The following ACSM3 variants were observed in gnomAD, a reference collection of about 807,000 sequenced individuals.
The protein encoded by ACSM3 is acyl-CoA synthetase medium chain family member 3, also known as acyl-coenzyme A synthetase ACSM3, mitochondrial.
ACSM3 carries 61 observed loss-of-function variants against 74.1 expected under a neutral mutation model. The ratio of observed to expected loss-of-function variants is 0.82; its 90% CI spans 0.67 to 1.02. The LOEUF (loss-of-function observed/expected upper bound fraction) is 1.02, where lower values mean the gene tolerates loss of function less well. Among genes scored for constraint, ACSM3 ranks in the 50% least tolerant of loss-of-function variants. ACSM3 has a pLI of 0.00. For missense variants in ACSM3, 660 were observed against 697.0 expected (o/e 0.95, Z 0.60); for synonymous variants, 213 against 241.5 (o/e 0.88, Z 1.09).
At chr16:20,754,288 G>A (rs903890009) in intron 2 of ACSM3, among the ~76,000 whole-genome samples, 16 of 152,096 alleles carry the variant, frequency 1.1e-4, no homozygotes, top group Middle Eastern at 3.2e-3. Flanking sequence ...GAGTGAGAAC[G>A]GCCCACATGA....
chr16:20,725,447 TG>T, intron 1 of ACSM3: 1 of 225,978 alleles, frequency 4.4e-6, no homozygotes. Flanking sequence ...AAGAGGTACT[TG>T]GGCAGAAATT....
chr16:20,699,657 G>A (rs1596480985), intron 1 of ACSM3, among the ~76,000 whole-genome samples: 1 of 152,240 alleles, frequency 6.6e-6, no homozygotes, highest in Middle Eastern at 3.4e-3. Flanking sequence ...TGGAGACGGG[G>A]GAAAAGCCCT....
intron 1 of ACSM3, among the ~76,000 whole-genome samples, chr16:20,768,352 G>C (rs931371534): frequency 2.6e-5 from 4 of 152,192 alleles, no homozygotes; most frequent in Admixed American, 6.5e-5. Flanking sequence ...CCATAGACTG[G>C]TGCTTTTCAC....
intron 1 of ACSM3, chr16:20,721,729 T>C (rs2079786268): frequency 6.6e-6 from 1 of 152,164 alleles, no homozygotes; most frequent in Admixed American, 6.5e-5. Context: ...AATCATGCCA[T>C]AGCTAGAATA....
chr16:20,763,780 T>G (rs1430117117), upstream of ACSM3: 1 of 152,196 alleles, frequency 6.6e-6, no homozygotes, highest in African/African-American at 2.4e-5. Context: ...TCTGCCCCTT[T>G]ACAGAACTAA....
In ACSM3 at chr16:20,796,424, C is replaced by A. The variant is rs1478990441; in HGVS notation, c.1609C>A (p.Gln537Lys). 6.2e-7 allele frequency: 1 copy of A among 1,613,780 alleles called. No individual in the cohort carries two copies. The highest frequency in any genetic ancestry group is 1.1e-5 in the South Asian group (1 of 91,054). The part of the protein sequence containing the change: ...NPDYKSHDQE[Q>K]LIKEIQEHVK... ...TGATTACAAGTCACATGATCAAGAACAACTAATAAAGGAGATTCAGGAGCA... is the reference window on the plus strand; with the variant it reads ...TGATTACAAGTCACATGATCAAGAAAAACTAATAAAGGAGATTCAGGAGCA... The change falls in exon 13 of 14, where the codon CAA (glutamine) becomes AAA (lysine). Residue 537 changes from glutamine to lysine, a missense_variant. Coordinates refer to ENST00000289416, the MANE Select transcript of ACSM3 (RefSeq NM_005622.4).
intron 1 of ACSM3, chr16:20,735,371 TG>T (rs2079859873): frequency 1.9e-5 from 2 of 104,738 alleles, no homozygotes; most frequent in African/African-American, 5.8e-5. Flanking sequence ...GTTTTTGTTT[TG>T]GGTGTTTTTT....
At chr16:20,684,322 G>A (rs1291019284) in intron 1 of ACSM3, among the ~76,000 whole-genome samples, 1 of 152,110 alleles carries the variant, frequency 6.6e-6, no homozygotes, top group Non-Finnish European at 1.5e-5. Flanking sequence ...AATCGCTTAA[G>A]GATCACACAA....
chr16:20,696,688 A>T (rs1334418791), intron 1 of ACSM3, among the ~76,000 whole-genome samples: 1 of 152,244 alleles, frequency 6.6e-6, no homozygotes, highest in African/African-American at 2.4e-5. Flanking sequence ...TCTGAAAGCA[A>T]TTTGACATGG....
At chr16:20,721,382 GA>G (rs891099961) in intron 1 of ACSM3, 5 of 152,192 alleles carry the variant, frequency 3.3e-5, no homozygotes, top group African/African-American at 9.7e-5. Context: ...AGAATGCTAT[GA>G]TTTTTTTTTG....
At chr16:20,686,956 C>T (rs918330378) in intron 1 of ACSM3, among the ~76,000 whole-genome samples, 2 of 149,066 alleles carry the variant, frequency 1.3e-5, no homozygotes, top group East Asian at 2.0e-4. Flanking sequence ...AAGCCATACT[C>T]AAAATGGTAG....
intron 1 of ACSM3, among the ~76,000 whole-genome samples, chr16:20,706,335 A>C (rs1375535183): frequency 6.6e-6 from 1 of 152,230 alleles, no homozygotes; most frequent in African/African-American, 2.4e-5. Context: ...AAAATGATAC[A>C]TTACACATGT....
At chr16:20,773,691 C>A (rs1228957651) in intron 2 of ACSM3, among the ~76,000 whole-genome samples, 1 of 152,054 alleles carries the variant, frequency 6.6e-6, no homozygotes, top group Non-Finnish European at 1.5e-5. Context: ...TTACTGATTT[C>A]TAGTTTTATT....
At chr16:20,757,980 G>A (rs1358162857) in intron 3 of ACSM3, among the ~76,000 whole-genome samples, 1 of 152,194 alleles carries the variant, frequency 6.6e-6, no homozygotes, top group African/African-American at 2.4e-5. Flanking sequence ...TCCCAGGGAT[G>A]AAGCCCACTT....
intron 3 of ACSM3, among the ~76,000 whole-genome samples, chr16:20,756,067 T>G (rs2080029240): frequency 6.6e-6 from 1 of 152,200 alleles, no homozygotes; most frequent in African/African-American, 2.4e-5. Context: ...AAGTCTTTGC[T>G]ATTGTGAATA....
At chr16:20,753,537 C>T (rs1193820962) in intron 2 of ACSM3, among the ~76,000 whole-genome samples, 1 of 150,634 alleles carries the variant, frequency 6.6e-6, no homozygotes, top group Non-Finnish European at 1.5e-5. Flanking sequence ...ATTATTATGG[C>T]TTTTTCAGGT....
At chr16:20,700,483 C>A (rs778084603) in intron 1 of ACSM3, among the ~76,000 whole-genome samples, 5 of 151,884 alleles carry the variant, frequency 3.3e-5, no homozygotes, top group Non-Finnish European at 5.9e-5. Flanking sequence ...GGAGAAGCAG[C>A]CAGCTAGGGA....
At chr16:20,794,112 C>T (rs2080667299) in intron 12 of ACSM3, among the ~76,000 whole-genome samples, 1 of 152,130 alleles carries the variant, frequency 6.6e-6, no homozygotes, top group African/African-American at 2.4e-5. Flanking sequence ...ATGAACAAAA[C>T]GGCCATGTGC....
chr16:20,733,609 T>C (rs2079844345), intron 1 of ACSM3: 2 of 151,910 alleles, frequency 1.3e-5, no homozygotes, highest in Non-Finnish European at 2.9e-5. Context: ...ATATATACTA[T>C]AAAGCAAGAG....
Sources: allele counts gnomAD v4.1 joint callset (sites outside exome capture counted in the v4.1 genomes callset), GRCh38; gene constraint gnomAD v4.1.1; transcripts MANE v1.5; gene names NCBI Gene and HGNC (gene_info 2026-07-23, HGNC 2026-07-21).